XKR6: variants seen among roughly 807,000 people sequenced by gnomAD.
The protein encoded by XKR6 is XK related 6.
Under a neutral mutation model 56.7 loss-of-function variants are expected in XKR6, and 22 were observed. The ratio of observed to expected loss-of-function variants is 0.39; its 90% CI spans 0.28 to 0.55. The LOEUF (loss-of-function observed/expected upper bound fraction) is 0.55, where lower values mean the gene tolerates loss of function less well. Among genes scored for constraint, XKR6 ranks in the 20% least tolerant of loss-of-function variants. XKR6 has a pLI of 0.66. For synonymous variants in XKR6, 524 were observed against 387.8 expected (o/e 1.35, Z -4.13); for missense variants, 852 against 889.0 (o/e 0.96, Z 0.53).
chr8:11,184,548 G>C (rs1032340890), intron 1 of XKR6, among the ~76,000 whole-genome samples: 1 of 152,112 alleles, frequency 6.6e-6, no homozygotes, highest in Non-Finnish European at 1.5e-5. Flanking sequence ...TTCAAGGCTA[G>C]AATGGTAGAT....
chr8:11,056,660 G>C (rs559289780), intron 1 of XKR6, among the ~76,000 whole-genome samples: 5 of 152,354 alleles, frequency 3.3e-5, no homozygotes, highest in African/African-American at 9.6e-5. Flanking sequence ...TACAGAGGCA[G>C]CCACACAAGT....
intron 1 of XKR6, among the ~76,000 whole-genome samples, chr8:11,171,282 GCACA>G (rs142606929): frequency 2.0e-4 from 30 of 152,116 alleles, no homozygotes; most frequent in African/African-American, 5.5e-4. Flanking sequence ...ATGTGCGACT[GCACA>G]CACACACACA....
intron 1 of XKR6, among the ~76,000 whole-genome samples, chr8:11,110,847 T>C (rs544664435): frequency 1.3e-5 from 2 of 152,194 alleles, no homozygotes; most frequent in South Asian, 2.1e-4. Context: ...CTTTCCTTTT[T>C]TTTTTTTGAG....
chr8:11,201,211 G>A lies in XKR6; in HGVS notation c.129C>T (p.Gly43=), dbSNP rs1406510128. The change falls in exon 1 of 3, where the codon GGC becomes GGT. Residue 43 remains glycine (G), a synonymous_variant. Transcript: ENST00000416569. ...EPGGGGCGGG[G]DGSEPGESSS... ...TGCTCTCGCCGGGCTCGCTGCCGTC[G>A]CCGCCGCCGCCGCAGCCGCCTCCCC... 1.3e-6 allele frequency: 2 copies of A among 1,521,328 alleles called. No individual in the cohort carries two copies. Among genetic ancestry groups the A allele is most frequent in the African/African-American group, 1.4e-5 (1 of 71,380 alleles). 94.2% of individuals were successfully genotyped at this position (1,521,328 alleles called of 1,614,324 possible).
chr8:11,116,543 G>T (rs1479369198), intron 1 of XKR6, among the ~76,000 whole-genome samples: 1 of 152,002 alleles, frequency 6.6e-6, no homozygotes, highest in Non-Finnish European at 1.5e-5. Context: ...GCTAATTTTT[G>T]CATTTTTAGT....
chr8:11,166,963 G>A lies in XKR6; in HGVS notation c.764+33613C>T, dbSNP rs377208186. On this transcript the variant is annotated intron_variant, in intron 1 of 2. Coordinates refer to ENST00000416569, the MANE Select transcript of XKR6 (RefSeq NM_173683.4). ...ACAACAGAAATTGAGGTGATTGCCA[G>A]GGAGATACAGGAAGAGGGTATGACA... 2.0e-5 allele frequency among the ~76,000 whole-genome samples: 3 copies of A among 152,318 alleles called. No homozygotes were observed. The East Asian group carries it at 5.8e-4, about 29-fold the overall frequency.
intron 1 of XKR6, among the ~76,000 whole-genome samples, chr8:11,099,774 G>A (rs1294686288): frequency 2.0e-5 from 3 of 152,300 alleles, no homozygotes; most frequent in Middle Eastern, 3.4e-3. Context: ...TTTAGCGGAG[G>A]AGACAAAACT....
At chr8:11,140,414 C>A (rs180719397) in intron 1 of XKR6, among the ~76,000 whole-genome samples, 2 of 152,304 alleles carry the variant, frequency 1.3e-5, no homozygotes, top group Non-Finnish European at 2.9e-5. Context: ...AAAAAGACCA[C>A]ATGACTTACA....
intron 2 of XKR6, among the ~76,000 whole-genome samples, chr8:10,904,049 C>T (rs905014641): frequency 1.3e-5 from 2 of 152,200 alleles, no homozygotes; most frequent in Admixed American, 1.3e-4. Context: ...CCTGGACAGG[C>T]CTGGCAGCCT....
intron 1 of XKR6, among the ~76,000 whole-genome samples, chr8:11,155,532 G>A (rs1350877991): frequency 2.0e-5 from 3 of 152,298 alleles, no homozygotes; most frequent in African/African-American, 7.2e-5. Context: ...TGGGATTCAA[G>A]AACTATATGC....
intron 1 of XKR6, among the ~76,000 whole-genome samples, chr8:10,997,864 G>A (rs1798150126): frequency 6.6e-6 from 1 of 152,174 alleles, no homozygotes; most frequent in Non-Finnish European, 1.5e-5. Flanking sequence ...CACAACCGGG[G>A]TCAGAGGGGG....
At chr8:10,938,618 G>A (rs1478991932) in intron 1 of XKR6, among the ~76,000 whole-genome samples, 1 of 152,216 alleles carries the variant, frequency 6.6e-6, no homozygotes, top group Non-Finnish European at 1.5e-5. Flanking sequence ...TATACAGTGT[G>A]ATTCCACTTA....
At chr8:10,918,681 A>C (rs2129114790) in intron 2 of XKR6, among the ~76,000 whole-genome samples, 1 of 152,312 alleles carries the variant, frequency 6.6e-6, no homozygotes, top group Admixed American at 6.5e-5. Flanking sequence ...GTTTGTGCAG[A>C]ACCATCGGAG....
At chr8:10,901,199 G>T (rs1586282498) in intron 2 of XKR6, among the ~76,000 whole-genome samples, 1 of 151,922 alleles carries the variant, frequency 6.6e-6, no homozygotes, top group Admixed American at 6.6e-5. Context: ...GGGACTACAG[G>T]TGCACACCAC....
At chr8:10,950,345 C>T (rs139281652) in intron 1 of XKR6, among the ~76,000 whole-genome samples, 69 of 152,340 alleles carry the variant, frequency 4.5e-4, no homozygotes, top group African/African-American at 1.6e-3. Flanking sequence ...TCCCAGGGAG[C>T]ACAAGCTCTT....
chr8:10,980,551 A>G (rs1027520550), intron 1 of XKR6, among the ~76,000 whole-genome samples: 2 of 152,220 alleles, frequency 1.3e-5, no homozygotes, highest in Admixed American at 1.3e-4. Flanking sequence ...TGTATGGATT[A>G]TGATTGATGG....
intron 2 of XKR6, among the ~76,000 whole-genome samples, chr8:10,903,439 G>T (rs777589284): frequency 1.9e-4 from 29 of 152,140 alleles, no homozygotes; most frequent in African/African-American, 6.5e-4. Context: ...AACTTGGCAG[G>T]ATTCACTGAG....
At chr8:11,176,566 T>C (rs1216176333) in intron 1 of XKR6, among the ~76,000 whole-genome samples, 1 of 152,106 alleles carries the variant, frequency 6.6e-6, no homozygotes, top group Non-Finnish European at 1.5e-5. Context: ...TCAAATTCTT[T>C]TCCTAAATAT....
chr8:11,026,311 C>T (rs1341051331), intron 1 of XKR6, among the ~76,000 whole-genome samples: 3 of 151,410 alleles, frequency 2.0e-5, no homozygotes, highest in African/African-American at 7.3e-5. Context: ...GCCTACTACA[C>T]ACCTAGATGG....
Sources: gnomAD v4.1 joint callset for allele counts (sites outside exome capture counted in the v4.1 genomes callset) on GRCh38, gnomAD v4.1.1 for gene constraint, MANE v1.5 for transcripts, NCBI Gene and HGNC (gene_info 2026-07-23, HGNC 2026-07-21) for gene names.